ATAD2B: variants seen among roughly 807,000 people sequenced by gnomAD.
ATAD2B encodes the protein ATPase family AAA domain-containing protein 2B.
A neutral mutation model predicts 167.6 loss-of-function variants in ATAD2B; 40 were observed. The ratio of observed to expected loss-of-function variants is 0.24; its 90% CI spans 0.19 to 0.31. The LOEUF is 0.31. Among genes scored for constraint, ATAD2B ranks in the 10% least tolerant of loss-of-function variants. ATAD2B has a pLI of 1.00. For synonymous variants in ATAD2B, 579 were observed against 596.5 expected, an observed-to-expected ratio of 0.97 and a Z score of 0.43; for missense variants, 1,242 against 1,757.2, an observed-to-expected ratio of 0.71 and a Z score of 5.24.
chr2:23,744,135 T>G (rs577312446), downstream of ATAD2B, among the ~76,000 whole-genome samples: 10 of 152,186 alleles, frequency 6.6e-5, 1 homozygote, highest in East Asian at 1.9e-3. Context: ...AAACGTGTGG[T>G]GAGGGCAGAT....
intron 2 of ATAD2B, among the ~76,000 whole-genome samples, chr2:23,893,052 A>T (rs17762651): frequency 6.6e-6 from 1 of 152,100 alleles, no homozygotes; most frequent in African/African-American, 2.4e-5. Context: ...ATCAATCATT[A>T]AAATTCTGTT....
intron 24 of ATAD2B, among the ~76,000 whole-genome samples, chr2:23,760,677 A>T (rs2465248): frequency 0.81 from 116,204 of 144,170 alleles, 46,845 homozygotes; most frequent in Admixed American, 0.88. Flanking sequence ...AAAAAAAAAA[A>T]AAATAAATAA....
At chr2:23,841,301 C>T (rs925345996) in intron 13 of ATAD2B, among the ~76,000 whole-genome samples, 17 of 152,114 alleles carry the variant, frequency 1.1e-4, no homozygotes, top group Middle Eastern at 3.4e-3. Flanking sequence ...TTTTTACATG[C>T]ACAGTAATGC....
At chr2:23,721,053 G>C in the ATAD2B span, among the ~76,000 whole-genome samples, 216 of 152,140 alleles carry the variant, frequency 1.4e-3, no homozygotes, top group African/African-American at 5.1e-3. Context: ...GTAGGAGACT[G>C]ACTCCCACCA....
Position 23,864,817 on chromosome 2 carries a change from C to T in ATAD2B, c.1296G>A (p.Gln432=), listed in dbSNP as rs1694908366. The part of the protein sequence containing the change: ...YPEIFEKFKI[Q]PPRGCLFYGP... Reference sequence around the variant, plus strand: ...TCTATGACATTGCTTACCTTGGAGGCTGAATTTTAAACTTTTCAAAAATTT... The same window carrying T: ...TCTATGACATTGCTTACCTTGGAGGTTGAATTTTAAACTTTTCAAAAATTT... The change falls in exon 11 of 28, where the codon CAG becomes CAA. Residue 432 remains glutamine (Q), a synonymous_variant. Coordinates refer to ENST00000238789, the MANE Select transcript of ATAD2B (RefSeq NM_017552.4). 3.2e-6 allele frequency: 5 copies of T among 1,540,078 alleles called. No homozygotes were observed. Among genetic ancestry groups the T allele is most frequent in the Non-Finnish European group, 2.7e-6 (3 of 1,130,842 alleles).
At chr2:23,922,576 A>C (rs1180867664) in intron 1 of ATAD2B, among the ~76,000 whole-genome samples, 1 of 152,126 alleles carries the variant, frequency 6.6e-6, no homozygotes, top group African/African-American at 2.4e-5. Flanking sequence ...ATAAGCAGTT[A>C]ATTTCCAAAA....
intron 10 of ATAD2B, 120 bp from the exon 11 acceptor site, chr2:23,865,044 A>G (rs11903165): frequency 0.052 from 27,420 of 529,936 alleles, 884 homozygotes; most frequent in African/African-American, 0.12. Context: ...GCTTTTAAAC[A>G]TAACTACAAA....
At chr2:23,925,850 C>T (rs917933233) in intron 1 of ATAD2B, among the ~76,000 whole-genome samples, 11 of 152,146 alleles carry the variant, frequency 7.2e-5, no homozygotes, top group African/African-American at 2.7e-4. Flanking sequence ...GCTGACTATC[C>T]GAAACATTCC....
At position 23,918,972 on chromosome 2, in the gene ATAD2B, C is replaced by T. The variant is rs191807330; in HGVS notation, c.216+7583G>A. Among the ~76,000 whole-genome samples, 74 of 152,298 alleles carry T rather than the reference C, an allele frequency of 4.9e-4. No homozygotes were observed. In the Middle Eastern group the frequency reaches 0.02, roughly 42 times the overall value. ...AGACAGCATTAAACAACACCTGGCA[C>T]GTATGAGATGCTAAATAAACCTTGG... is the stretch of plus-strand genomic sequence containing the variant. On this transcript the variant is annotated intron_variant, in intron 1 of 27. Coordinates refer to ENST00000238789, the MANE Select transcript of ATAD2B (RefSeq NM_017552.4).
chr2:23,789,297 C>T (rs1431661564), intron 19 of ATAD2B, among the ~76,000 whole-genome samples: 1 of 152,146 alleles, frequency 6.6e-6, no homozygotes, highest in Non-Finnish European at 1.5e-5. Context: ...CCAAGATATG[C>T]TGTTTAAATG....
At chr2:23,887,006 G>A (rs190016500) in intron 4 of ATAD2B, among the ~76,000 whole-genome samples, 8 of 151,820 alleles carry the variant, frequency 5.3e-5, no homozygotes, top group Admixed American at 2.0e-4. Context: ...TGCTGGGCAC[G>A]GTGGCTCATG....
intron 10 of ATAD2B, 130 bp from the exon 11 acceptor site, chr2:23,865,054 A>C: frequency 2.0e-6 from 1 of 506,412 alleles, no homozygotes; most frequent in Non-Finnish European, 3.4e-6. Flanking sequence ...ATAACTACAA[A>C]TAAGTGTAGA....
chr2:23,709,914 A>C, the ATAD2B span, among the ~76,000 whole-genome samples: 1 of 152,232 alleles, frequency 6.6e-6, no homozygotes, highest in East Asian at 1.9e-4. Context: ...CTCTGGGTCT[A>C]CGAAGAGTCT....
intron 11 of ATAD2B, 36 bp downstream of exon 11, chr2:23,864,773 G>T: frequency 1.0e-6 from 1 of 975,554 alleles, no homozygotes; most frequent in Non-Finnish European, 1.5e-6. Context: ...GAAAGTAACA[G>T]TAATAACAAT....
chr2:23,895,774 T>G lies in ATAD2B; in HGVS notation c.368+45A>C, dbSNP rs901958200. ...GCATTAATATCAGCCCTGAATCACA[T>G]TCAGTAATTTAAGAAAAAACAATCA... On this transcript the variant is annotated intron_variant, in intron 2 of 27. Transcript: ENST00000238789. The G allele has an allele frequency of 8.0e-6, 12 of 1,492,600 alleles. No homozygotes were observed. In the Middle Eastern group the frequency reaches 7.0e-4, roughly 87 times the overall value. The allele number at this position is 1,492,600 out of a possible 1,614,324, so 92.5% of individuals were successfully genotyped here.
chr2:23,688,077 C>T, the ATAD2B span, among the ~76,000 whole-genome samples: 1 of 152,152 alleles, frequency 6.6e-6, no homozygotes, highest in Non-Finnish European at 1.5e-5. Flanking sequence ...GGCAGCACCT[C>T]GGTAGAGTGG....
intron 7 of ATAD2B, among the ~76,000 whole-genome samples, chr2:23,880,055 T>TAA (rs768434692): frequency 0.013 from 1,714 of 129,928 alleles, 32 homozygotes; most frequent in African/African-American, 0.046. Flanking sequence ...ACTCTGTTTT[T>TAA]AAAAAAAAAA....
At chr2:23,918,500 T>C (rs895568062) in intron 1 of ATAD2B, among the ~76,000 whole-genome samples, 4 of 152,302 alleles carry the variant, frequency 2.6e-5, no homozygotes, top group Non-Finnish European at 5.9e-5. Context: ...AAACAATCTC[T>C]GTACAATATG....
At chr2:23,740,072 C>CA in the ATAD2B span, among the ~76,000 whole-genome samples, 1 of 151,978 alleles carries the variant, frequency 6.6e-6, no homozygotes, top group Non-Finnish European at 1.5e-5. Context: ...GCTTACCAAC[C>CA]AAAAAAACTC....
Sources: allele counts gnomAD v4.1 joint callset (sites outside exome capture counted in the v4.1 genomes callset), GRCh38; gene constraint gnomAD v4.1.1; transcripts MANE v1.5; gene names NCBI Gene and HGNC (gene_info 2026-07-23, HGNC 2026-07-21).